Variants in LRRC4C observed in about 807,000 individuals in gnomAD.
The protein encoded by LRRC4C is leucine-rich repeat-containing protein 4C.
Under a neutral mutation model 33.6 loss-of-function variants are expected in LRRC4C, and 5 were observed. The observed-to-expected ratio is 0.15, with a 90% CI of 0.08 to 0.31. The LOEUF (loss-of-function observed/expected upper bound fraction) is 0.31. Ranked by LOEUF, LRRC4C falls within the 10% of genes least tolerant of loss-of-function variation. The pLI, the probability that LRRC4C is intolerant of heterozygous loss-of-function variation, is 1.00. For missense variants in LRRC4C, 560 were observed against 796.7 expected, an observed-to-expected ratio of 0.70 and a Z score of 3.58; for synonymous variants, 329 against 302.0, an observed-to-expected ratio of 1.09 and a Z score of -0.93.
intron 1 of LRRC4C, among the ~76,000 whole-genome samples, chr11:41,200,804 A>G (rs912149880): frequency 6.6e-6 from 1 of 152,314 alleles, no homozygotes; most frequent in Non-Finnish European, 1.5e-5. Flanking sequence ...TTAACACTCA[A>G]ATTTGAACCA....
intron 4 of LRRC4C, among the ~76,000 whole-genome samples, chr11:40,307,110 G>C (rs1945079000): frequency 6.6e-6 from 1 of 151,308 alleles, no homozygotes; most frequent in Admixed American, 6.6e-5. Flanking sequence ...AGCATTCCTA[G>C]CTGGTACCCA....
intron 3 of LRRC4C, among the ~76,000 whole-genome samples, chr11:40,632,314 A>C (rs944657137): frequency 6.6e-6 from 1 of 152,196 alleles, no homozygotes; most frequent in African/African-American, 2.4e-5. Flanking sequence ...GAACACCTCA[A>C]AAAGCTCACA....
At chr11:40,326,113 TG>T (rs1946090232) in intron 3 of LRRC4C, among the ~76,000 whole-genome samples, 1 of 151,568 alleles carries the variant, frequency 6.6e-6, no homozygotes, top group African/African-American at 2.4e-5. Flanking sequence ...TTATAAAAAC[TG>T]TTGCTTGCTT....
At chr11:41,323,238 A>G (rs1951010233) in intron 1 of LRRC4C, among the ~76,000 whole-genome samples, 2 of 152,174 alleles carry the variant, frequency 1.3e-5, no homozygotes. Context: ...TTACATCAGT[A>G]TTGATGACAG....
chr11:40,664,291 T>C (rs1489483530), intron 2 of LRRC4C, among the ~76,000 whole-genome samples: 1 of 152,258 alleles, frequency 6.6e-6, no homozygotes, highest in East Asian at 1.9e-4. Flanking sequence ...ATGCCTATAA[T>C]CCTAGCACTT....
intron 3 of LRRC4C, among the ~76,000 whole-genome samples, chr11:40,571,520 A>G (rs1957983752): frequency 6.6e-6 from 1 of 152,124 alleles, no homozygotes; most frequent in South Asian, 2.1e-4. Flanking sequence ...CAAGTGACTT[A>G]TTCAAAGGAA....
At chr11:40,980,294 G>A (rs761066804) in intron 1 of LRRC4C, among the ~76,000 whole-genome samples, 4 of 152,286 alleles carry the variant, frequency 2.6e-5, no homozygotes, top group African/African-American at 4.8e-5. Flanking sequence ...AAGGAGAAAT[G>A]TTCTCTTGGG....
At chr11:40,613,454 CA>C (rs1253017918) in intron 3 of LRRC4C, among the ~76,000 whole-genome samples, 3 of 151,794 alleles carry the variant, frequency 2.0e-5, no homozygotes, top group African/African-American at 7.2e-5. Context: ...GCAACTCAGC[CA>C]CCTCTTCAGG....
At chr11:40,603,846 A>T (rs1960280578) in intron 3 of LRRC4C, among the ~76,000 whole-genome samples, 1 of 152,224 alleles carries the variant, frequency 6.6e-6, no homozygotes, top group African/African-American at 2.4e-5. Flanking sequence ...ATAAGAAGAC[A>T]TAAAAATTAT....
At chr11:40,267,377 A>C (rs1252549822) in intron 4 of LRRC4C, among the ~76,000 whole-genome samples, 2 of 152,118 alleles carry the variant, frequency 1.3e-5, no homozygotes, top group Non-Finnish European at 2.9e-5. Flanking sequence ...TTTGAGACAG[A>C]GTCTTGCTCT....
chr11:40,906,668 C>A (rs1475438229), intron 2 of LRRC4C, among the ~76,000 whole-genome samples: 1 of 151,800 alleles, frequency 6.6e-6, no homozygotes, highest in East Asian at 1.9e-4. Flanking sequence ...ACTGAACCTC[C>A]AATATGTCTG....
intron 2 of LRRC4C, among the ~76,000 whole-genome samples, chr11:40,665,389 A>ATTT (rs1943751377): frequency 1.2e-5 from 1 of 86,180 alleles, no homozygotes; most frequent in African/African-American, 4.2e-5. Flanking sequence ...TATATATATT[A>ATTT]TTAGGGGTAG....
In LRRC4C at chr11:40,917,023, G is replaced by C. The variant is rs1342274924; in HGVS notation, c.-407+16612C>G. 2.6e-5 allele frequency among the ~76,000 whole-genome samples: 4 copies of C among 151,942 alleles called. No homozygotes were observed. The South Asian group carries it at 8.3e-4, about 31-fold the overall frequency. On this transcript the variant is annotated intron_variant, in intron 2 of 6. Transcript: ENST00000528697. ...GGTTTATTTCATACACTTACATATAGTAAAAATTTATACATATACAATCAC... is the reference window on the plus strand; with the variant it reads ...GGTTTATTTCATACACTTACATATACTAAAAATTTATACATATACAATCAC...
chr11:40,699,238 T>C (rs1945740387), intron 2 of LRRC4C, among the ~76,000 whole-genome samples: 1 of 152,200 alleles, frequency 6.6e-6, no homozygotes, highest in Non-Finnish European at 1.5e-5. Context: ...CTTTATTCTC[T>C]TGATAGTCAT....
intron 4 of LRRC4C, among the ~76,000 whole-genome samples, chr11:40,310,410 C>G (rs1017647035): frequency 3.3e-5 from 5 of 152,114 alleles, no homozygotes; most frequent in African/African-American, 1.2e-4. Flanking sequence ...AGGTAGCAGT[C>G]TATCTTATTC....
intron 1 of LRRC4C, among the ~76,000 whole-genome samples, chr11:41,289,366 G>A (rs1382096024): frequency 6.6e-6 from 1 of 152,142 alleles, no homozygotes; most frequent in Non-Finnish European, 1.5e-5. Context: ...TTAAAGAATG[G>A]TTCTATGGAC....
intron 4 of LRRC4C, among the ~76,000 whole-genome samples, chr11:40,296,683 A>T (rs1191656064): frequency 6.6e-6 from 1 of 152,244 alleles, no homozygotes; most frequent in Non-Finnish European, 1.5e-5. Context: ...TAAACAAGCT[A>T]ACTGTCATGA....
chr11:41,293,770 G>A (rs1178115944), intron 1 of LRRC4C, among the ~76,000 whole-genome samples: 2 of 151,734 alleles, frequency 1.3e-5, no homozygotes, highest in South Asian at 4.2e-4. Context: ...GCTAATTTTT[G>A]TATTTTTAAC....
intron 3 of LRRC4C, among the ~76,000 whole-genome samples, chr11:40,559,370 A>G (rs1224309891): frequency 6.6e-6 from 1 of 152,024 alleles, no homozygotes; most frequent in African/African-American, 2.4e-5. Context: ...CTTTTGGTAG[A>G]GACGGGGTTT....
Sources: gnomAD v4.1 joint callset for allele counts (sites outside exome capture counted in the v4.1 genomes callset) on GRCh38, gnomAD v4.1.1 for gene constraint, MANE v1.5 for transcripts, NCBI Gene and HGNC (gene_info 2026-07-23, HGNC 2026-07-21) for gene names.